MOGAT3: variants seen among roughly 807,000 people sequenced by gnomAD.
MOGAT3 encodes 2-acylglycerol O-acyltransferase 3.
Under a neutral mutation model 34.4 loss-of-function variants are expected in MOGAT3, and 39 were observed. The ratio of observed to expected loss-of-function variants is 1.13; its 90% CI spans 0.88 to 1.48. The LOEUF is 1.48. Among genes scored for constraint, MOGAT3 ranks in the 40% most tolerant of loss-of-function variants. The pLI is 0.00. For synonymous variants in MOGAT3, 209 were observed against 179.2 expected (o/e 1.17, Z -1.33); for missense variants, 439 against 438.9 (o/e 1.00, Z 0.00).
rs1562884203 is a variant in MOGAT3 at position 101,198,235 on chromosome 7, CGTAAGGCA to C, written c.616_623del (p.Cys206AlafsTer28). On this transcript the variant is annotated frameshift_variant, in exon 5 of 7. Coordinates refer to ENST00000223114, the MANE Select transcript of MOGAT3 (RefSeq NM_178176.4). LOFTEE classifies it high-confidence loss of function. ...GCACGAAGCCTTTGCGCTTCTGGAG[CGTAAGGCA>C]GTGCTCCCCGGGGACTGAATACAGG... 15 of 1,613,624 alleles carry C rather than the reference CGTAAGGCA, an allele frequency of 9.3e-6. No individual in the cohort carries two copies. Among genetic ancestry groups the C allele is most frequent in the Non-Finnish European group, 1.0e-5 (12 of 1,179,792 alleles).
At chr7:101,197,345 G>T (rs936588785) in intron 5 of MOGAT3, among the ~76,000 whole-genome samples, 1 of 151,864 alleles carries the variant, frequency 6.6e-6, no homozygotes, top group Admixed American at 6.6e-5. Context: ...ACCACACTTG[G>T]CTAATTTATT....
chr7:101,198,552 G>A (rs1797863161), intron 4 of MOGAT3, 74 bp downstream of exon 4: 1 of 1,440,946 alleles, frequency 6.9e-7, no homozygotes. Flanking sequence ...ATTATGGGGG[G>A]GGGTGGTCCC....
In MOGAT3 at chr7:101,195,818, G is replaced by A. The variant is rs1378997300; in HGVS notation, c.*128C>T. On this transcript the variant is annotated 3_prime_UTR_variant, in exon 7 of 7. Transcript: ENST00000223114. Reference sequence around the variant, plus strand: ...TCCTCCCACCTTGGCCTCCCAAAGTGCTGGGATTACAGGCATGAGGCACTG... The same window carrying A: ...TCCTCCCACCTTGGCCTCCCAAAGTACTGGGATTACAGGCATGAGGCACTG... 3.8e-6 allele frequency: 4 copies of A among 1,053,676 alleles called. No homozygotes were observed. The East Asian group carries it at 9.5e-5, about 25-fold the overall frequency. The allele number at this position is 1,053,676 out of a possible 1,614,324, so 65.3% of individuals were successfully genotyped here. A position where few individuals can be genotyped will look rare whatever the true frequency, so the allele number is the denominator to read the frequency against.
At chr7:101,193,159 A>G (rs928001609), downstream of MOGAT3, among the ~76,000 whole-genome samples, 1 of 151,908 alleles carries the variant, frequency 6.6e-6, no homozygotes, top group Admixed American at 6.6e-5. Context: ...CTGTGGTGCA[A>G]TCTTGGCTCA....
Position 101,200,771 on chromosome 7 carries a change from T to C in MOGAT3, c.84A>G (p.Gln28=), listed in dbSNP as rs1362825048. ...KQHLEAVGAY[Q]YVLTFLFMGP... ...CCATGAAGAGGAAAGTGAGCACATA[T>C]TGGTAGGCGCCCACTGCTTCTAGAT... The change falls in exon 1 of 7, where the codon CAA becomes CAG. Residue 28 remains glutamine (Q), a synonymous_variant. Transcript: ENST00000223114. 2 of 1,614,080 alleles carry C rather than the reference T, an allele frequency of 1.2e-6. No homozygotes were observed. Among genetic ancestry groups the C allele is most frequent in the Admixed American group, 1.7e-5 (1 of 60,016 alleles).
At chr7:101,194,007 CTGTT>C (rs1215306553), downstream of MOGAT3, among the ~76,000 whole-genome samples, 1 of 151,734 alleles carries the variant, frequency 6.6e-6, no homozygotes, top group Non-Finnish European at 1.5e-5. Context: ...TTTTGTTTGT[CTGTT>C]TGAGACGGGT....
chr7:101,198,392 G>A, intron 4 of MOGAT3, 27 bp from the exon 5 acceptor site: 1 of 1,523,362 alleles, frequency 6.6e-7, no homozygotes, highest in Non-Finnish European at 8.8e-7. Flanking sequence ...GTGGAAAGTA[G>A]TTCCCATCTG....
rs1220232555 is a variant in MOGAT3, at chr7:101,197,222, G to T, written c.669-833C>A. Among the ~76,000 whole-genome samples, 11 of 152,236 alleles carry T rather than the reference G, an allele frequency of 7.2e-5. No homozygotes were observed. In the South Asian group the frequency reaches 2.1e-3, roughly 29 times the overall value. On this transcript the variant is annotated intron_variant, in intron 5 of 6. Coordinates refer to ENST00000223114, the MANE Select transcript of MOGAT3 (RefSeq NM_178176.4). The stretch of plus-strand genomic sequence containing the variant: ...AAAAGAGACAAGGCCTTGCTCTCTT[G>T]CCCAGGCTGGAGGGCAGTGGTGCAA...
chr7:101,193,470 C>G (rs1453871811), downstream of MOGAT3, among the ~76,000 whole-genome samples: 1 of 152,184 alleles, frequency 6.6e-6, no homozygotes, highest in Non-Finnish European at 1.5e-5. Flanking sequence ...TACTCTGTCG[C>G]CCAGGCTGGA....
At chr7:101,200,050 A>C (rs1223286695) in intron 3 of MOGAT3, among the ~76,000 whole-genome samples, 184 bp downstream of exon 3, 2 of 151,398 alleles carry the variant, frequency 1.3e-5, no homozygotes. Context: ...CTGAGATTGC[A>C]CCACTGCACT....
At chr7:101,193,051 C>T (rs1195760769), downstream of MOGAT3, among the ~76,000 whole-genome samples, 1 of 152,134 alleles carries the variant, frequency 6.6e-6, no homozygotes, top group Non-Finnish European at 1.5e-5. Context: ...GCACTCCAGC[C>T]TGGGCGACAG....
Position 101,200,988 on chromosome 7 carries a change from C to T in MOGAT3, c.-134G>A. ...GGCCTGGCTAAGTCGCAAATCACCTCCCAGAGTAGCGTGTGTCCGTAGGTG... is the reference window on the plus strand; with the variant it reads ...GGCCTGGCTAAGTCGCAAATCACCTTCCAGAGTAGCGTGTGTCCGTAGGTG... On this transcript the variant is annotated 5_prime_UTR_variant, in exon 1 of 7. Coordinates refer to ENST00000223114, the MANE Select transcript of MOGAT3 (RefSeq NM_178176.4). The T allele has an allele frequency of 1.6e-6, 1 of 640,446 alleles. No homozygotes were observed. The highest frequency in any genetic ancestry group is 1.9e-5 in the South Asian group (1 of 51,600). The allele number at this position is 640,446 out of a possible 1,614,324, so 39.7% of individuals were successfully genotyped here. A position where few individuals can be genotyped will look rare whatever the true frequency, so the allele number is the denominator to read the frequency against.
intron 4 of MOGAT3, 114 bp downstream of exon 4, chr7:101,198,512 A>C: frequency 7.8e-7 from 1 of 1,284,366 alleles, no homozygotes; most frequent in Non-Finnish European, 1.1e-6. Context: ...GGCAGTGCTC[A>C]GGCTGGCCCC....
chr7:101,194,169 A>AT (rs60239794), downstream of MOGAT3, among the ~76,000 whole-genome samples: 43 of 148,810 alleles, frequency 2.9e-4, 2 homozygotes, highest in Middle Eastern at 3.5e-3. Context: ...AATTTCTAGA[A>AT]TTTTTTTTTT....
In MOGAT3 at chr7:101,196,302, G is replaced by C. The variant is rs1797784185; in HGVS notation, c.756C>G (p.Cys252Trp). 5.6e-6 allele frequency: 9 copies of C among 1,613,912 alleles called. No individual in the cohort carries two copies. The highest frequency in any genetic ancestry group is 7.6e-6 in the Non-Finnish European group (9 of 1,179,916). ...AFATGSWQHW[C>W]QLTFKKLMGF... is the part of the protein sequence containing the mutation. ...CCATGAGCTTCTTGAAGGTGAGCTG[G>C]CACCAATGCTGCCAGGAGCCTGTGG... The change falls in exon 6 of 7, where the codon TGC (cysteine) becomes TGG (tryptophan). Residue 252 changes from cysteine to tryptophan, a missense_variant. By Grantham distance (215) the Cys-to-Trp change is radical (BLOSUM62 -2). Coordinates refer to ENST00000223114, the MANE Select transcript of MOGAT3 (RefSeq NM_178176.4).
chr7:101,200,097 A>G, intron 3 of MOGAT3, 137 bp downstream of exon 3: 2 of 750,920 alleles, frequency 2.7e-6, no homozygotes, highest in Admixed American at 2.2e-5. Flanking sequence ...CTAAAAAAAA[A>G]AAAAAATCCA....
chr7:101,198,584 G>T, intron 4 of MOGAT3, 42 bp downstream of exon 4: 1 of 1,585,504 alleles, frequency 6.3e-7, no homozygotes, highest in Non-Finnish European at 8.6e-7. Flanking sequence ...GGAACATCTG[G>T]TCAGGAGTCT....
chr7:101,197,647 C>G (rs1797828799), intron 5 of MOGAT3, among the ~76,000 whole-genome samples: 1 of 152,190 alleles, frequency 6.6e-6, no homozygotes. Context: ...CGCCTATAAT[C>G]CCAGCACTTT....
intron 5 of MOGAT3, among the ~76,000 whole-genome samples, chr7:101,197,548 T>C (rs956830850): frequency 3.3e-5 from 5 of 152,128 alleles, no homozygotes; most frequent in Admixed American, 3.3e-4. Context: ...ATTTTCTCAT[T>C]CGGTCTTTGC....
Sources: gnomAD v4.1 joint callset for allele counts (sites outside exome capture counted in the v4.1 genomes callset) on GRCh38, gnomAD v4.1.1 for gene constraint, MANE v1.5 for transcripts, NCBI Gene and HGNC (gene_info 2026-07-23, HGNC 2026-07-21) for gene names.